The following FBXO34 variants were observed in gnomAD, a reference collection of about 807,000 sequenced individuals.
FBXO34 encodes F-box protein 34, also known as F-box only protein 34.
A neutral mutation model predicts 24.5 loss-of-function variants in FBXO34; 12 were observed. The ratio of observed to expected loss-of-function variants is 0.49; its 90% confidence interval spans 0.31 to 0.79. The LOEUF is 0.79. Among genes scored for constraint, FBXO34 ranks in the 30% least tolerant of loss-of-function variants. FBXO34 has a pLI of 0.04. For missense variants in FBXO34, 823 were observed against 857.7 expected (o/e 0.96, Z 0.51); for synonymous variants, 320 against 311.9 (o/e 1.03, Z -0.27).
At chr14:55,400,491 C>T in the FBXO34 span, among the ~76,000 whole-genome samples, 1 of 152,186 alleles carries the variant, frequency 6.6e-6, no homozygotes, top group African/African-American at 2.4e-5. Context: ...TTATATAAAC[C>T]TCTACAGGTG....
At chr14:55,433,388 AG>A in the FBXO34 span, among the ~76,000 whole-genome samples, 3 of 148,658 alleles carry the variant, frequency 2.0e-5, no homozygotes, top group Non-Finnish European at 4.4e-5. Context: ...CCTGGGCTCA[AG>A]CGATCCTCCT....
chr14:55,389,959 GA>G, the FBXO34 span, among the ~76,000 whole-genome samples: 39 of 146,382 alleles, frequency 2.7e-4, no homozygotes, highest in African/African-American at 8.5e-4. Context: ...CTCACTAAGG[GA>G]AAAAAAAAAC....
At chr14:55,334,707 C>T (rs902109385) in intron 1 of FBXO34, among the ~76,000 whole-genome samples, 12 of 152,244 alleles carry the variant, frequency 7.9e-5, no homozygotes, top group South Asian at 6.2e-4. Flanking sequence ...GGAACTCAGG[C>T]GGAAGCTCTT....
intron 1 of FBXO34, among the ~76,000 whole-genome samples, chr14:55,275,021 A>G (rs1430982679): frequency 6.6e-6 from 1 of 152,252 alleles, no homozygotes; most frequent in Non-Finnish European, 1.5e-5. Flanking sequence ...TCATCTGGAA[A>G]TTGAATTCCT....
the FBXO34 span, among the ~76,000 whole-genome samples, chr14:55,393,349 C>T: frequency 6.6e-6 from 1 of 151,528 alleles, no homozygotes; most frequent in East Asian, 1.9e-4. Context: ...CGCGCCACTG[C>T]ACTCCAGCCT....
the FBXO34 span, among the ~76,000 whole-genome samples, chr14:55,399,869 G>A: frequency 2.0e-5 from 3 of 152,218 alleles, no homozygotes; most frequent in Non-Finnish European, 4.4e-5. Flanking sequence ...AGACAACTGT[G>A]TCTAGCTTAA....
chr14:55,415,338 G>C, the FBXO34 span, among the ~76,000 whole-genome samples: 2 of 152,174 alleles, frequency 1.3e-5, no homozygotes, highest in Admixed American at 6.6e-5. Flanking sequence ...AGACTCTTAA[G>C]AACTATAAAG....
chr14:55,281,255 T>TAAA (rs533626777), intron 1 of FBXO34, among the ~76,000 whole-genome samples: 32,615 of 97,650 alleles, frequency 0.33, 5,414 homozygotes, highest in Non-Finnish European at 0.41. Flanking sequence ...CCCGACTCCT[T>TAAA]AAAAAAAAAA....
At chr14:55,430,762 T>C in the FBXO34 span, among the ~76,000 whole-genome samples, 1 of 152,234 alleles carries the variant, frequency 6.6e-6, no homozygotes, top group East Asian at 1.9e-4. Context: ...TTGGCTCTCT[T>C]CACCCACTTC....
chr14:55,397,995 T>G, the FBXO34 span, among the ~76,000 whole-genome samples: 1 of 144,618 alleles, frequency 6.9e-6, no homozygotes, highest in Admixed American at 7.0e-5. Context: ...TCACCCAGGC[T>G]GGGGTGTAGT....
At chr14:55,373,446 T>C (rs1326460703), downstream of FBXO34, among the ~76,000 whole-genome samples, 1 of 152,140 alleles carries the variant, frequency 6.6e-6, no homozygotes, top group Non-Finnish European at 1.5e-5. Context: ...TGTATATGAC[T>C]GTACTATTTT....
chr14:55,275,365 C>T (rs576170297), intron 1 of FBXO34, among the ~76,000 whole-genome samples: 12 of 152,246 alleles, frequency 7.9e-5, no homozygotes, highest in African/African-American at 2.9e-4. Flanking sequence ...TTCATTCATC[C>T]AGCAAACATT....
chr14:55,385,947 A>G, the FBXO34 span: 1 of 1,614,032 alleles, frequency 6.2e-7, no homozygotes, highest in Non-Finnish European at 8.5e-7. Context: ...AGACGCTCAT[A>G]ATGACTTCTT....
At chr14:55,418,950 C>T in the FBXO34 span, among the ~76,000 whole-genome samples, 10 of 152,162 alleles carry the variant, frequency 6.6e-5, no homozygotes, top group South Asian at 4.1e-4. Context: ...GAAACCAAGT[C>T]GGAGAACTTA....
chr14:55,357,746 G>A (rs1223890912), downstream of FBXO34, among the ~76,000 whole-genome samples: 1 of 152,164 alleles, frequency 6.6e-6, no homozygotes, highest in Non-Finnish European at 1.5e-5. Context: ...CTAGGAAGTT[G>A]GCTGCAGTGA....
chr14:55,327,169 G>A (rs926844120), intron 1 of FBXO34, among the ~76,000 whole-genome samples: 2 of 152,200 alleles, frequency 1.3e-5, no homozygotes, highest in Non-Finnish European at 2.9e-5. Flanking sequence ...AGTGACACGG[G>A]TAAATATCTG....
the FBXO34 span, chr14:55,440,413 C>T: frequency 5.6e-6 from 9 of 1,612,922 alleles, no homozygotes; most frequent in Admixed American, 1.7e-5. Flanking sequence ...GCGCACTGGT[C>T]CAGGTAGAGC....
the FBXO34 span, among the ~76,000 whole-genome samples, chr14:55,375,932 G>A: frequency 6.6e-6 from 1 of 152,282 alleles, no homozygotes; most frequent in African/African-American, 2.4e-5. Flanking sequence ...ATATCCACTA[G>A]TAATAATCTA....
chr14:55,431,378 G>A, the FBXO34 span, among the ~76,000 whole-genome samples: 2 of 152,334 alleles, frequency 1.3e-5, no homozygotes, highest in South Asian at 2.1e-4. Flanking sequence ...TACAATGAAA[G>A]TTGGATAACA....
Sources: gnomAD v4.1 joint callset for allele counts (sites outside exome capture counted in the v4.1 genomes callset) on GRCh38, gnomAD v4.1.1 for gene constraint, MANE v1.5 for transcripts, NCBI Gene and HGNC (gene_info 2026-07-23, HGNC 2026-07-21) for gene names.